CAMK4: variants seen among roughly 807,000 people sequenced by gnomAD.
CAMK4 encodes calcium/calmodulin dependent protein kinase IV, also known as calcium/calmodulin-dependent protein kinase type IV.
In CAMK4, 22 loss-of-function variants were observed where a neutral mutation model predicts 44.9. The ratio of observed to expected loss-of-function variants is 0.49; its 90% CI spans 0.35 to 0.70. CAMK4 has a LOEUF of 0.70. Among genes scored for constraint, CAMK4 ranks in the 30% least tolerant of loss-of-function variants. CAMK4 has a pLI of 0.01. For missense variants in CAMK4, 498 were observed against 586.8 expected, an observed-to-expected ratio of 0.85 and a Z score of 1.56; for synonymous variants, 218 against 215.4, an observed-to-expected ratio of 1.01 and a Z score of -0.11.
At chr5:111,334,352 A>G (rs1749304599) in intron 1 of CAMK4, among the ~76,000 whole-genome samples, 1 of 151,574 alleles carries the variant, frequency 6.6e-6, no homozygotes, top group Non-Finnish European at 1.5e-5. Flanking sequence ...TGGTGACCAA[A>G]GAACATCTTG....
At chr5:111,279,396 A>G (rs867435013) in intron 1 of CAMK4, among the ~76,000 whole-genome samples, 1 of 152,288 alleles carries the variant, frequency 6.6e-6, no homozygotes, top group South Asian at 2.1e-4. Context: ...TCTGTCAGTC[A>G]GCTCCAGCCC....
chr5:111,456,667 T>TAAA (rs5870454), intron 7 of CAMK4, among the ~76,000 whole-genome samples: 1 of 150,622 alleles, frequency 6.6e-6, no homozygotes, highest in Non-Finnish European at 1.5e-5. Context: ...GGTAAACCAT[T>TAAA]AAAAAAAAGG....
chr5:111,470,923 G>A (rs372091149), intron 7 of CAMK4, among the ~76,000 whole-genome samples: 9 of 152,288 alleles, frequency 5.9e-5, no homozygotes, highest in African/African-American at 2.2e-4. Flanking sequence ...TGGCCCTCCA[G>A]AAAGTCAACA....
At chr5:111,346,064 GT>G (rs1165447511) in intron 2 of CAMK4, among the ~76,000 whole-genome samples, 1 of 151,932 alleles carries the variant, frequency 6.6e-6, no homozygotes, top group Non-Finnish European at 1.5e-5. Context: ...ACAGAGATGT[GT>G]AAACGAGAGA....
intron 1 of CAMK4, among the ~76,000 whole-genome samples, chr5:111,255,805 C>G (rs932687866): frequency 6.6e-6 from 1 of 152,082 alleles, no homozygotes; most frequent in Non-Finnish European, 1.5e-5. Flanking sequence ...AATTAAATGC[C>G]CATTTCCTGC....
At chr5:111,343,327 A>G (rs1193132302) in intron 1 of CAMK4, among the ~76,000 whole-genome samples, 1 of 151,758 alleles carries the variant, frequency 6.6e-6, no homozygotes, top group Non-Finnish European at 1.5e-5. Context: ...AGCTGTTTCT[A>G]GAAGTTCTCT....
rs1255775069 is a variant in CAMK4, at chr5:111,344,099, A to G, written c.237A>G (p.Lys79=). 6.3e-7 allele frequency: 1 copy of G among 1,580,270 alleles called. No individual in the cohort carries two copies. The highest frequency in any genetic ancestry group is 1.7e-5 in the Admixed American group (1 of 59,696). ...CTTATGCTCTCAAAGTGTTAAAGAA[A>G]ACAGTAAGTTTATTTCTTATATAAT... The part of the protein sequence containing the change: ...QKPYALKVLK[K]TVDKKIVRTE... The change falls in exon 2 of 11, where the codon AAA becomes AAG. Residue 79 remains lysine, a synonymous_variant. Coordinates refer to ENST00000282356, the MANE Select transcript of CAMK4 (RefSeq NM_001744.6).
intron 1 of CAMK4, among the ~76,000 whole-genome samples, chr5:111,239,369 T>C (rs1043724309): frequency 2.6e-5 from 4 of 152,194 alleles, no homozygotes; most frequent in Admixed American, 6.5e-5. Context: ...CTGGCTGTTA[T>C]TGTCAGTTTT....
In CAMK4 at chr5:111,417,303, G is replaced by A. The variant is rs150242704; in HGVS notation, c.459+22521G>A. Reference sequence around the variant, plus strand: ...GCAGTGGCCCGATCTCAGTACCTCCGCCCCCCGGGTTCAAAGGATTCTAGT... The same window carrying A: ...GCAGTGGCCCGATCTCAGTACCTCCACCCCCCGGGTTCAAAGGATTCTAGT... On this transcript the variant is annotated intron_variant, in intron 5 of 10. Coordinates refer to ENST00000282356, the MANE Select transcript of CAMK4 (RefSeq NM_001744.6). Among the ~76,000 whole-genome samples the A allele has an allele frequency of 5.6e-3, 835 of 149,632 alleles. 11 individuals are homozygous for A. Among genetic ancestry groups the A allele is most frequent in the African/African-American group, 0.019 (763 of 40,674 alleles).
At chr5:111,413,815 A>C (rs1189013074) in intron 5 of CAMK4, among the ~76,000 whole-genome samples, 1 of 152,076 alleles carries the variant, frequency 6.6e-6, no homozygotes, top group African/African-American at 2.4e-5. Flanking sequence ...TAAAAACTAG[A>C]GATATATTTT....
chr5:111,287,327 T>C (rs1751278745), intron 1 of CAMK4, among the ~76,000 whole-genome samples: 1 of 152,114 alleles, frequency 6.6e-6, no homozygotes, highest in Non-Finnish European at 1.5e-5. Context: ...CAGAGAAAGT[T>C]AATAATATGG....
intron 2 of CAMK4, among the ~76,000 whole-genome samples, chr5:111,353,218 AAAAT>A (rs1347222937): frequency 6.6e-6 from 1 of 152,078 alleles, no homozygotes; most frequent in East Asian, 1.9e-4. Flanking sequence ...GTTGCATGCA[AAAAT>A]AAATAATCTC....
At chr5:111,285,168 A>G (rs1318171424) in intron 1 of CAMK4, among the ~76,000 whole-genome samples, 1 of 152,232 alleles carries the variant, frequency 6.6e-6, no homozygotes, top group African/African-American at 2.4e-5. Context: ...TGATCATGGT[A>G]CACTAGAAGG....
intron 1 of CAMK4, among the ~76,000 whole-genome samples, chr5:111,323,191 G>A (rs142944638): frequency 6.6e-6 from 1 of 152,034 alleles, no homozygotes; most frequent in East Asian, 1.9e-4. Flanking sequence ...ACCAAAGGTA[G>A]GCATATCCTC....
rs925923300 is a variant in CAMK4, at chr5:111,374,855, C to CA, written c.253dup (p.Ile85AsnfsTer5). ...TCTTTTATTTTGCCTTTTAGGTGGACAAAAAAATCGTAAGAACTGAGATAG... is the reference window on the plus strand; with the variant it reads ...TCTTTTATTTTGCCTTTTAGGTGGACAAAAAAAATCGTAAGAACTGAGATAG... On this transcript the variant is annotated frameshift_variant, in exon 3 of 11. Coordinates refer to ENST00000282356, the MANE Select transcript of CAMK4 (RefSeq NM_001744.6). LOFTEE classifies it high-confidence loss of function. The CA allele has an allele frequency of 5.0e-6, 8 of 1,608,934 alleles. No individual in the cohort carries two copies. The highest frequency in any genetic ancestry group is 6.8e-6 in the Non-Finnish European group (8 of 1,175,872).
At chr5:111,237,463 A>G (rs1454802038) in intron 1 of CAMK4, among the ~76,000 whole-genome samples, 1 of 152,226 alleles carries the variant, frequency 6.6e-6, no homozygotes, top group East Asian at 1.9e-4. Flanking sequence ...AAGGCTTTCT[A>G]AGTGTGTTGG....
At chr5:111,255,578 CT>C (rs1226530229) in intron 1 of CAMK4, among the ~76,000 whole-genome samples, 2 of 152,092 alleles carry the variant, frequency 1.3e-5, no homozygotes, top group African/African-American at 4.8e-5. Context: ...TCCCTAAGAT[CT>C]TTATTGCTGA....
intron 4 of CAMK4, among the ~76,000 whole-genome samples, chr5:111,377,515 G>A (rs1400036052): frequency 1.3e-5 from 2 of 150,540 alleles, no homozygotes; most frequent in African/African-American, 4.9e-5. Context: ...AGAATGGAGG[G>A]GGGTGGGGGT....
chr5:111,343,383 ATC>A (rs1430441703), intron 1 of CAMK4, among the ~76,000 whole-genome samples: 1 of 151,630 alleles, frequency 6.6e-6, no homozygotes, highest in East Asian at 1.9e-4. Flanking sequence ...TTTCTCTTTT[ATC>A]TCTCTTTTAC....
Sources: gnomAD v4.1 joint callset for allele counts (sites outside exome capture counted in the v4.1 genomes callset) on GRCh38, gnomAD v4.1.1 for gene constraint, MANE v1.5 for transcripts, NCBI Gene and HGNC (gene_info 2026-07-23, HGNC 2026-07-21) for gene names.